Variants in HEMK2 observed in about 807,000 individuals in gnomAD.
The protein encoded by HEMK2 is HemK methyltransferase 2, ETF1 glutamine and histone H4 lysine.
chr21:28,649,678 G>C, the HEMK2 span, among the ~76,000 whole-genome samples: 1 of 152,146 alleles, frequency 6.6e-6, no homozygotes, highest in Non-Finnish European at 1.5e-5. Context: ...GCTTTTCAAA[G>C]GCGGTAACAT....
the HEMK2 span, among the ~76,000 whole-genome samples, chr21:28,844,961 T>C: frequency 2.6e-5 from 4 of 152,102 alleles, no homozygotes; most frequent in Admixed American, 1.3e-4. Flanking sequence ...TATTGTTTTA[T>C]TTATGATATC....
chr21:28,883,125 G>A, the HEMK2 span: 1 of 1,256,280 alleles, frequency 8.0e-7, no homozygotes, highest in African/African-American at 1.5e-5. Flanking sequence ...ACTCTTCACA[G>A]AAAACTCTCA....
chr21:28,830,490 T>C, the HEMK2 span, among the ~76,000 whole-genome samples: 1 of 152,202 alleles, frequency 6.6e-6, no homozygotes, highest in African/African-American at 2.4e-5. Context: ...ATTAAACCTC[T>C]TTCTTCATAA....
chr21:28,613,619 C>CTTTTTTTTTTTTTT, the HEMK2 span, among the ~76,000 whole-genome samples: 164 of 82,708 alleles, frequency 2.0e-3, 32 homozygotes, highest in African/African-American at 3.4e-3. Flanking sequence ...TCTGCATATT[C>CTTTTTTTTTTTTTT]TTTTTTTTTT....
the HEMK2 span, among the ~76,000 whole-genome samples, chr21:28,663,721 C>T: frequency 2.6e-5 from 4 of 152,306 alleles, no homozygotes; most frequent in South Asian, 2.1e-4. Flanking sequence ...GGACAAAGTC[C>T]GTCTAACCTA....
At chr21:28,702,519 A>C in the HEMK2 span, among the ~76,000 whole-genome samples, 1 of 152,332 alleles carries the variant, frequency 6.6e-6, no homozygotes, top group East Asian at 1.9e-4. Context: ...GGCACTTTTC[A>C]AATGAAGACA....
chr21:28,577,096 T>C, the HEMK2 span: 1 of 152,250 alleles, frequency 6.6e-6, no homozygotes, highest in African/African-American at 2.4e-5. Context: ...CAGAATCTCA[T>C]TTGTTCACCT....
At chr21:28,766,958 T>C in the HEMK2 span, among the ~76,000 whole-genome samples, 1 of 152,008 alleles carries the variant, frequency 6.6e-6, no homozygotes, top group African/African-American at 2.4e-5. Context: ...AAAGAACATA[T>C]CCAAGTGATA....
the HEMK2 span, among the ~76,000 whole-genome samples, chr21:28,736,079 A>C: frequency 6.6e-6 from 1 of 152,242 alleles, no homozygotes; most frequent in African/African-American, 2.4e-5. Context: ...CAAGGAGGGT[A>C]GACACAAGGA....
the HEMK2 span, among the ~76,000 whole-genome samples, chr21:28,583,408 TC>T: frequency 6.6e-6 from 1 of 152,146 alleles, no homozygotes; most frequent in African/African-American, 2.4e-5. Flanking sequence ...TTCTGTCCTC[TC>T]TTTATCCAAA....
chr21:28,796,577 GA>G, the HEMK2 span, among the ~76,000 whole-genome samples: 1 of 151,346 alleles, frequency 6.6e-6, no homozygotes, highest in Non-Finnish European at 1.5e-5. Flanking sequence ...GGATGAGTAA[GA>G]AAAAAAAACT....
the HEMK2 span, among the ~76,000 whole-genome samples, chr21:28,833,963 C>T: frequency 1.3e-5 from 2 of 152,314 alleles, no homozygotes; most frequent in African/African-American, 4.8e-5. Flanking sequence ...GGGAATTAAA[C>T]TGTTAGAATG....
the HEMK2 span, among the ~76,000 whole-genome samples, chr21:28,822,144 A>T: frequency 0.077 from 11,718 of 152,304 alleles, 488 homozygotes; most frequent in Middle Eastern, 0.11. Flanking sequence ...TAGTTTAGCC[A>T]CACTCTGAAA....
chr21:28,642,265 G>A, the HEMK2 span, among the ~76,000 whole-genome samples: 1 of 152,160 alleles, frequency 6.6e-6, no homozygotes, highest in Non-Finnish European at 1.5e-5. Flanking sequence ...AACCCCAAAA[G>A]TGATCTTGAG....
At chr21:28,630,487 T>C in the HEMK2 span, among the ~76,000 whole-genome samples, 1 of 152,120 alleles carries the variant, frequency 6.6e-6, no homozygotes, top group Non-Finnish European at 1.5e-5. Flanking sequence ...CACATATGTT[T>C]ATAGCAGCAC....
the HEMK2 span, among the ~76,000 whole-genome samples, chr21:28,598,713 T>G: frequency 0.031 from 4,647 of 152,296 alleles, 242 homozygotes; most frequent in African/African-American, 0.11. Flanking sequence ...TAGGGATTCC[T>G]GGGAATTCTA....
At chr21:28,588,974 C>T in the HEMK2 span, among the ~76,000 whole-genome samples, 11,587 of 129,632 alleles carry the variant, frequency 0.089, 1,340 homozygotes, top group East Asian at 0.6. Context: ...CAGAGAGAGA[C>T]ACTGTCTCAA....
chr21:28,882,058 G>T, the HEMK2 span: 1 of 793,562 alleles, frequency 1.3e-6, no homozygotes, highest in Non-Finnish European at 1.9e-6. Context: ...ATGGTATACT[G>T]CTTAGTGGGT....
chr21:28,700,047 A>T, the HEMK2 span, among the ~76,000 whole-genome samples: 2 of 152,202 alleles, frequency 1.3e-5, no homozygotes, highest in Non-Finnish European at 2.9e-5. Context: ...ACAGACCAAC[A>T]GTCCCTGGCC....
Sources: gnomAD v4.1 joint callset for allele counts (sites outside exome capture counted in the v4.1 genomes callset) on GRCh38, gnomAD v4.1.1 for gene constraint, MANE v1.5 for transcripts, NCBI Gene and HGNC (gene_info 2026-07-23, HGNC 2026-07-21) for gene names.